SERPINA4: variants seen among roughly 807,000 people sequenced by gnomAD.
The protein encoded by SERPINA4 is serpin family A member 4, also known as kallistatin.
A neutral mutation model predicts 25.4 loss-of-function variants in SERPINA4; 24 were observed. That is an observed-to-expected ratio of 0.95 (90% CI 0.69 to 1.33). The LOEUF (loss-of-function observed/expected upper bound fraction) is 1.33. Among genes scored for constraint, SERPINA4 ranks in the 40% most tolerant of loss-of-function variants. The pLI is 0.00. For missense variants in SERPINA4, 553 were observed against 535.8 expected, an observed-to-expected ratio of 1.03 and a Z score of -0.32; for synonymous variants, 242 against 223.6, an observed-to-expected ratio of 1.08 and a Z score of -0.73.
intron 3 of SERPINA4, among the ~76,000 whole-genome samples, 176 bp from the exon 4 acceptor site, chr14:94,567,953 A>G (rs1170987596): frequency 2.0e-5 from 3 of 152,182 alleles, no homozygotes; most frequent in Non-Finnish European, 4.4e-5. Flanking sequence ...CCTGGGTACA[A>G]AGGAACCTGG....
rs1455174961 is a variant in SERPINA4 at position 94,563,701 on chromosome 14, G to A, written c.219G>A (p.Lys73=). The change falls in exon 2 of 5, where the codon AAG becomes AAA. Residue 73 remains lysine, a synonymous_variant. Transcript: ENST00000557004. Reference sequence around the variant, plus strand: ...TGATCGCTTCGGAGACCCCGGGGAAGAACATCTTTTTCTCCCCGCTGAGCA... The same window carrying A: ...TGATCGCTTCGGAGACCCCGGGGAAAAACATCTTTTTCTCCCCGCTGAGCA... The part of the protein sequence containing the change: ...YYLIASETPG[K]NIFFSPLSIS... 6.2e-7 allele frequency: 1 copy of A among 1,613,942 alleles called. No individual in the cohort carries two copies. Among genetic ancestry groups the A allele is most frequent in the East Asian group, 2.2e-5 (1 of 44,876 alleles).
At chr14:94,566,821 T>A in intron 2 of SERPINA4, 149 bp from the exon 3 acceptor site, 2 of 865,966 alleles carry the variant, frequency 2.3e-6, no homozygotes, top group Non-Finnish European at 3.5e-6. Context: ...AGGTTTTGAA[T>A]GGTCAAAATG....
chr14:94,569,614 T>C lies in SERPINA4; in HGVS notation c.*19T>C. The stretch of plus-strand genomic sequence containing the variant: ...ACCATAGCCCTCCCAGGGCTGCTCA[T>C]CTGTTCCAAGCAGGAGGATGTGGCA... On this transcript the variant is annotated 3_prime_UTR_variant, in exon 5 of 5. Coordinates refer to ENST00000557004, the MANE Select transcript of SERPINA4 (RefSeq NM_006215.4). 2 of 1,613,396 alleles carry C rather than the reference T, an allele frequency of 1.2e-6. No homozygotes were observed. The highest frequency in any genetic ancestry group is 1.7e-6 in the Non-Finnish European group (2 of 1,179,524).
At chr14:94,561,728 C>T in intron 1 of SERPINA4, 1 of 1,289,724 alleles carries the variant, frequency 7.8e-7, no homozygotes, top group Non-Finnish European at 1.0e-6. Context: ...GCCCGGAGAC[C>T]CAGAAAAGCC....
rs762682361 is a variant in SERPINA4, at chr14:94,569,392, CAG to C, written c.1084_1085del. 1.1e-5 allele frequency: 18 copies of C among 1,613,224 alleles called. No homozygotes were observed. The highest frequency in any genetic ancestry group is 3.3e-5 in the Admixed American group (2 of 60,000). On this transcript the variant is annotated splice_acceptor_variant, in intron 4 of 4. Coordinates refer to ENST00000557004, the MANE Select transcript of SERPINA4 (RefSeq NM_006215.4). LOFTEE classifies it high-confidence loss of function. ...GAGATAATGCTTGTGATTTTCCTCCCAGAGTTTCCACAAGGCCACCTTGGACG... is the reference window on the plus strand; with the variant it reads ...GAGATAATGCTTGTGATTTTCCTCCCAGTTTCCACAAGGCCACCTTGGACG...
Position 94,563,643 on chromosome 14 carries a change from C to T in SERPINA4, c.161C>T (p.Ala54Val), listed in dbSNP as rs772165336. The T allele has an allele frequency of 6.2e-6, 10 of 1,613,742 alleles. No individual in the cohort carries two copies. In the South Asian group the frequency reaches 9.9e-5, roughly 16 times the overall value. The change falls in exon 2 of 5, where the codon GCC (alanine) becomes GTC (valine). Residue 54 changes from alanine (A) to valine (V), a missense_variant. Coordinates refer to ENST00000557004, the MANE Select transcript of SERPINA4 (RefSeq NM_006215.4). Reference sequence around the variant, plus strand: ...TCCCCCAGCCTCAAGATAGCCCCTGCCAATGCTGACTTTGCCTTCCGCTTC... The same window carrying T: ...TCCCCCAGCCTCAAGATAGCCCCTGTCAATGCTGACTTTGCCTTCCGCTTC... ...EGSPSLKIAP[A>V]NADFAFRFYY... is the part of the protein sequence containing the mutation.
chr14:94,565,269 C>T (rs552849803), intron 2 of SERPINA4, among the ~76,000 whole-genome samples: 21 of 152,246 alleles, frequency 1.4e-4, no homozygotes, highest in African/African-American at 5.1e-4. Flanking sequence ...CCTGGGGCTG[C>T]TGTTGTTTAG....
intron 3 of SERPINA4, among the ~76,000 whole-genome samples, chr14:94,567,928 C>T (rs1452172346): frequency 6.6e-6 from 1 of 152,158 alleles, no homozygotes; most frequent in Non-Finnish European, 1.5e-5. Context: ...ACGGGAGATC[C>T]CACAGACAGC....
Position 94,569,465 on chromosome 14 carries a change from T to C in SERPINA4, c.1154T>C (p.Ile385Thr), listed in dbSNP as rs1416545456. Residue 385 changes from isoleucine to threonine, a missense_variant, in exon 5 of 5, where the codon ATC (isoleucine) becomes ACC (threonine). By Grantham distance (89) the Ile-to-Thr change is moderately conservative (BLOSUM62 -1). Coordinates refer to ENST00000557004, the MANE Select transcript of SERPINA4 (RefSeq NM_006215.4). The part of the protein sequence containing the change: ...TEAAAATSFA[I>T]KFFSAQTNRH... ...GCTGCAGCAGCCACCAGCTTCGCGA[T>C]CAAATTCTTCTCTGCCCAGACCAAT... 1 of 1,614,060 alleles carries C rather than the reference T, an allele frequency of 6.2e-7. No homozygotes were observed. The highest frequency in any genetic ancestry group is 2.2e-5 in the East Asian group (1 of 44,892).
At chr14:94,561,949 G>A (rs1595061830) in intron 1 of SERPINA4, 2 of 1,196,082 alleles carry the variant, frequency 1.7e-6, no homozygotes, top group Admixed American at 2.8e-5. Flanking sequence ...AAGGGTCTAG[G>A]TCAGGGGTCA....
chr14:94,562,579 G>T (rs1902061687), intron 1 of SERPINA4, among the ~76,000 whole-genome samples: 1 of 152,092 alleles, frequency 6.6e-6, no homozygotes, highest in Non-Finnish European at 1.5e-5. Context: ...CTCCAGCTTG[G>T]GTGACAGAGT....
At chr14:94,566,940 T>A (rs1902231468) in intron 2 of SERPINA4, 30 bp from the exon 3 acceptor site, 1 of 1,597,076 alleles carries the variant, frequency 6.3e-7, no homozygotes, top group East Asian at 2.2e-5. Flanking sequence ...CCTGCAGATG[T>A]CCTGTACCTT....
rs139341025 is a variant in SERPINA4 at position 94,569,573 on chromosome 14, T to G, written c.1262T>G (p.Val421Gly). ...CAGAGTGTCCTCTTTCTGGGCAAGG[T>G]CGTCGACCCCACGAAACCATAGCCC... ...STQSVLFLGK[V>G]VDPTKP The change falls in exon 5 of 5, where the codon GTC (valine) becomes GGC (glycine). Residue 421 changes from valine to glycine, a missense_variant. Physicochemically the swap from Val to Gly is moderately radical, Grantham distance 109 (BLOSUM62 -3). Coordinates refer to ENST00000557004, the MANE Select transcript of SERPINA4 (RefSeq NM_006215.4). 2 of 1,614,136 alleles carry G rather than the reference T, an allele frequency of 1.2e-6. No individual in the cohort carries two copies. The highest frequency in any genetic ancestry group is 1.7e-6 in the Non-Finnish European group (2 of 1,180,024).
Position 94,563,516 on chromosome 14 carries a change from G to A in SERPINA4, c.34G>A (p.Val12Ile). 1.2e-6 allele frequency: 2 copies of A among 1,613,888 alleles called. No individual in the cohort carries two copies. Among genetic ancestry groups the A allele is most frequent in the South Asian group, 1.1e-5 (1 of 91,076 alleles). Residue 12 changes from valine to isoleucine, a missense_variant, in exon 2 of 5, where the codon GTT (valine) becomes ATT (isoleucine). Transcript: ENST00000557004. ...HLIDYLLLLL[V>I]GLLALSHGQL... is the part of the protein sequence containing the mutation. ...TATCGACTACCTGCTCCTCCTGCTG[G>A]TTGGACTACTGGCCCTTTCTCATGG...
At chr14:94,564,154 A>G (rs1156230786) in intron 2 of SERPINA4, 23 bp downstream of exon 2, 1 of 1,593,732 alleles carries the variant, frequency 6.3e-7, no homozygotes. Flanking sequence ...TCATTGGTAT[A>G]TGCTAAATCC....
At chr14:94,562,586 G>C (rs991912452) in intron 1 of SERPINA4, among the ~76,000 whole-genome samples, 4 of 152,174 alleles carry the variant, frequency 2.6e-5, no homozygotes, top group African/African-American at 9.6e-5. Flanking sequence ...TTGGGTGACA[G>C]AGTGAGACCC....
intron 3 of SERPINA4, 85 bp downstream of exon 3, chr14:94,567,328 G>A: frequency 1.4e-6 from 2 of 1,428,714 alleles, no homozygotes; most frequent in Non-Finnish European, 1.9e-6. Flanking sequence ...CCAAAATAGA[G>A]AGTGAACACC....
chr14:94,565,572 G>T (rs757463621), intron 2 of SERPINA4, among the ~76,000 whole-genome samples: 2 of 152,044 alleles, frequency 1.3e-5, no homozygotes, highest in South Asian at 2.1e-4. Context: ...TTGAGGCTGG[G>T]CATAGTGGCT....
At chr14:94,567,319 C>A in intron 3 of SERPINA4, 76 bp downstream of exon 3, 1 of 1,485,378 alleles carries the variant, frequency 6.7e-7, no homozygotes, top group Non-Finnish European at 9.0e-7. Context: ...GACAGTGCCC[C>A]AAAATAGAGA....
Sources: allele counts gnomAD v4.1 joint callset (sites outside exome capture counted in the v4.1 genomes callset), GRCh38; gene constraint gnomAD v4.1.1; transcripts MANE v1.5; gene names NCBI Gene and HGNC (gene_info 2026-07-23, HGNC 2026-07-21).